NDUFV1: variants seen among roughly 807,000 people sequenced by gnomAD.
The protein encoded by NDUFV1 is NADH dehydrogenase [ubiquinone] flavoprotein 1, mitochondrial.
Under a neutral mutation model 48.7 loss-of-function variants are expected in NDUFV1, and 41 were observed. The ratio of observed to expected loss-of-function variants is 0.84; its 90% confidence interval spans 0.66 to 1.09. The LOEUF (loss-of-function observed/expected upper bound fraction) is 1.09. NDUFV1 is among the 50% of genes least tolerant of loss of function. The pLI, the probability that NDUFV1 is intolerant of heterozygous loss-of-function variation, is 0.00. For synonymous variants in NDUFV1, 231 were observed against 259.1 expected (o/e 0.89, Z 1.04); for missense variants, 580 against 645.4 (o/e 0.90, Z 1.10).
At position 67,607,025 on chromosome 11, in the gene NDUFV1, G is replaced by A. The variant is rs775147419; in HGVS notation, c.21G>A (p.Leu7=). Residue 7 remains leucine, a synonymous_variant, in exon 1 of 10, where the codon CTG becomes CTA. Coordinates refer to ENST00000322776, the MANE Select transcript of NDUFV1 (RefSeq NM_007103.4). ...CCGCGATGCTGGCAACACGGCGGCT[G>A]CTCGGCTGGTCGCTTCCCGCGCGGG... MLATRR[L]LGWSLPARVS... is the part of the protein sequence containing the mutation. 3 of 1,609,722 alleles carry A rather than the reference G, an allele frequency of 1.9e-6. No homozygotes were observed. In the Admixed American group the frequency reaches 5.0e-5, roughly 27 times the overall value.
rs1854877204 is a variant in NDUFV1 at position 67,609,655 on chromosome 11, G to C, written c.510+20G>C. The C allele has an allele frequency of 1.2e-6, 2 of 1,600,200 alleles. No individual in the cohort carries two copies. Among genetic ancestry groups the C allele is most frequent in the South Asian group, 2.2e-5 (2 of 91,054 alleles). On this transcript the variant is annotated intron_variant, in intron 4 of 9. Transcript: ENST00000322776. ...CTGCAGGTGGGTAGGGAGAGATGTA[G>C]ACAGATGAGAAGGTGTTCAGTGTGC...
Position 67,609,577 on chromosome 11 carries a change from C to A in NDUFV1, c.452C>A (p.Ala151Asp). Reference sequence around the variant, plus strand: ...CTGGTGGGGGGCCGGGCCATGGGCGCCCGCGCTGCCTATATCTACATCCGA... The same window carrying A: ...CTGGTGGGGGGCCGGGCCATGGGCGACCGCGCTGCCTATATCTACATCCGA... ...GCLVGGRAMG[A>D]RAAYIYIRGE... Residue 151 changes from alanine to aspartate, a missense_variant, in exon 4 of 10, where the codon GCC becomes GAC. Ala to Asp is a moderately radical substitution (Grantham distance 126). Coordinates refer to ENST00000322776, the MANE Select transcript of NDUFV1 (RefSeq NM_007103.4). The A allele has an allele frequency of 1.2e-6, 2 of 1,611,774 alleles. No homozygotes were observed. Among genetic ancestry groups the A allele is most frequent in the Non-Finnish European group, 1.7e-6 (2 of 1,179,890 alleles).
In NDUFV1 at chr11:67,611,286, G is replaced by A; in HGVS notation, c.913+79G>A. The A allele has an allele frequency of 6.3e-7, 1 of 1,594,780 alleles. No individual in the cohort carries two copies. The highest frequency in any genetic ancestry group is 8.6e-7 in the Non-Finnish European group (1 of 1,166,450). On this transcript the variant is annotated intron_variant, in intron 6 of 9. Transcript: ENST00000322776. The surrounding 1 kb of genome is among the most constrained non-coding windows in gnomAD (Gnocchi z 4.2). ...CCACAAAGAGAGCCTGGGCGGGAGG[G>A]CTCAGGAGACGGGGCTGGGTCTAGG...
chr11:67,608,245 C>A, intron 1 of NDUFV1, 151 bp from the exon 2 acceptor site: 3 of 735,706 alleles, frequency 4.1e-6, no homozygotes, highest in Non-Finnish European at 2.4e-6. Flanking sequence ...AAAATGCTTA[C>A]TAAGTGGCAG....
In NDUFV1 at chr11:67,610,351, G is replaced by T. The variant is rs200142427; in HGVS notation, c.511-30G>T. 1.7e-4 allele frequency: 277 copies of T among 1,612,492 alleles called. 1 individual carries two copies. The African/African-American group carries it at 2.3e-3, about 13-fold the overall frequency. Reference sequence around the variant, plus strand: ...TAGGCTGACTCCTGGGCTGGGGGTGGGCTGGGAAACTCACACCTTTGTCCT... The same window carrying T: ...TAGGCTGACTCCTGGGCTGGGGGTGTGCTGGGAAACTCACACCTTTGTCCT... On this transcript the variant is annotated intron_variant, in intron 4 of 9. Coordinates refer to ENST00000322776, the MANE Select transcript of NDUFV1 (RefSeq NM_007103.4).
intron 4 of NDUFV1, 40 bp downstream of exon 4, chr11:67,609,675 G>T (rs377566067): frequency 6.3e-7 from 1 of 1,591,998 alleles, no homozygotes; most frequent in African/African-American, 1.3e-5. Flanking sequence ...AAGGTGTTCA[G>T]TGTGCACTCA....
In NDUFV1 at chr11:67,612,244, C is replaced by T. The variant is rs565472178; in HGVS notation, c.1287C>T (p.Asp429=). The T allele has an allele frequency of 1.9e-5, 31 of 1,613,848 alleles. No homozygotes were observed. The highest frequency in any genetic ancestry group is 1.3e-4 in the East Asian group (6 of 44,796). ...IEGHTICALG[D]GAAWPVQGLI... ...GCCATACGATTTGTGCTCTGGGTGACGGGGCCGCCTGGCCTGTGCAGGTAT... is the reference window on the plus strand; with the variant it reads ...GCCATACGATTTGTGCTCTGGGTGATGGGGCCGCCTGGCCTGTGCAGGTAT... Residue 429 remains aspartate, a synonymous_variant, in exon 9 of 10, where the codon GAC becomes GAT. Coordinates refer to ENST00000322776, the MANE Select transcript of NDUFV1 (RefSeq NM_007103.4). This position sits in a 1 kb window ranked among gnomAD's most constrained non-coding sequence, Gnocchi z 4.4.
chr11:67,612,262 G>A lies in NDUFV1; in HGVS notation c.1305G>A (p.Val435=). The change falls in exon 9 of 10, where the codon GTG becomes GTA. Residue 435 remains valine, a synonymous_variant. Transcript: ENST00000322776. This position sits in a 1 kb window ranked among gnomAD's most constrained non-coding sequence, Gnocchi z 4.4. ...TGGGTGACGGGGCCGCCTGGCCTGT[G>A]CAGGTATTCACCACCCTTCTGCGTA... ...CALGDGAAWP[V]QGLIRHFRPE... 1 of 1,613,986 alleles carries A rather than the reference G, an allele frequency of 6.2e-7. No individual in the cohort carries two copies. Among genetic ancestry groups the A allele is most frequent in the Non-Finnish European group, 8.5e-7 (1 of 1,179,960 alleles).
At position 67,611,568 on chromosome 11, in the gene NDUFV1, C is replaced by T. The variant is rs372208500; in HGVS notation, c.1079C>T (p.Ser360Leu). 1.5e-4 allele frequency: 235 copies of T among 1,601,820 alleles called. No homozygotes were observed. Among genetic ancestry groups the T allele is most frequent in the Non-Finnish European group, 1.9e-4 (222 of 1,174,264 alleles). ...GCTGCGGTGATCGTCATGGACCGCTCGGTAAGGGTTCACACACCAGCCCTG... is the reference window on the plus strand; with the variant it reads ...GCTGCGGTGATCGTCATGGACCGCTTGGTAAGGGTTCACACACCAGCCCTG... ...GTAAVIVMDRSTDIVKAIARL... is the reference protein window; with the variant it reads ...GTAAVIVMDRLTDIVKAIARL... Residue 360 changes from serine (S) to leucine (L), a missense_variant and splice_region_variant, in exon 7 of 10, where the codon TCG becomes TTG. Physicochemically the swap from Ser to Leu is moderately radical, Grantham distance 145. Transcript: ENST00000322776. This position sits in a 1 kb window ranked among gnomAD's most constrained non-coding sequence, Gnocchi z 4.2.
chr11:67,611,612 G>A lies in NDUFV1; in HGVS notation c.1080+43G>A, dbSNP rs376302414. The A allele has an allele frequency of 3.3e-5, 53 of 1,582,188 alleles. No homozygotes were observed. The South Asian group carries it at 5.3e-4, about 16-fold the overall frequency. On this transcript the variant is annotated intron_variant, in intron 7 of 9. Coordinates refer to ENST00000322776, the MANE Select transcript of NDUFV1 (RefSeq NM_007103.4). This position sits in a 1 kb window ranked among gnomAD's most constrained non-coding sequence, Gnocchi z 4.2. ...AGCCCTGGTCCCTGCCCTCCTGGTT[G>A]CTGTCTCCCTCCCTGGGCCTCCCAG...
intron 5 of NDUFV1, 103 bp downstream of exon 5, chr11:67,610,673 G>T (rs565005095): frequency 3.4e-6 from 5 of 1,470,130 alleles, no homozygotes; most frequent in Non-Finnish European, 4.6e-6. Context: ...TGGCTTCCCG[G>T]CTGGGGCCAG....
At chr11:67,610,762 C>T in intron 5 of NDUFV1, 192 bp downstream of exon 5, 1 of 820,592 alleles carries the variant, frequency 1.2e-6, no homozygotes, top group South Asian at 1.6e-5. Context: ...GTCCCCTCCG[C>T]ACCAGTGCTG....
At position 67,611,339 on chromosome 11, in the gene NDUFV1, T is replaced by G; in HGVS notation, c.914-64T>G. The G allele has an allele frequency of 6.2e-7, 1 of 1,600,188 alleles. No homozygotes were observed. The highest frequency in any genetic ancestry group is 8.5e-7 in the Non-Finnish European group (1 of 1,171,508). ...CTGACTAAGGGCCTGGGCTCAGGAC[T>G]AGGCAGGTGTGCCGGCCCCAGCCCT... On this transcript the variant is annotated intron_variant, in intron 6 of 9. Transcript: ENST00000322776. This position sits in a 1 kb window ranked among gnomAD's most constrained non-coding sequence, Gnocchi z 4.2.
Position 67,611,444 on chromosome 11 carries a change from C to T in NDUFV1, c.955C>T (p.Pro319Ser), listed in dbSNP as rs751799055. ...CTGGGACAACCTCCTTGCTGTGATC[C>T]CTGGCGGCTCGTCTACCCCACTGAT... ...GGWDNLLAVI[P>S]GGSSTPLIPK... Residue 319 changes from proline to serine, a missense_variant, in exon 7 of 10, where the codon CCT becomes TCT. By Grantham distance (74) the Pro-to-Ser change is moderately conservative. Coordinates refer to ENST00000322776, the MANE Select transcript of NDUFV1 (RefSeq NM_007103.4). This position sits in a 1 kb window ranked among gnomAD's most constrained non-coding sequence, Gnocchi z 4.2. 1 of 1,614,126 alleles carries T rather than the reference C, an allele frequency of 6.2e-7. No individual in the cohort carries two copies. Among genetic ancestry groups the T allele is most frequent in the Non-Finnish European group, 8.5e-7 (1 of 1,180,022 alleles).
In NDUFV1 at chr11:67,611,325, C is replaced by T. The variant is rs928122314; in HGVS notation, c.914-78C>T. 4.4e-6 allele frequency: 7 copies of T among 1,597,164 alleles called. No homozygotes were observed. The highest frequency in any genetic ancestry group is 1.3e-5 in the African/African-American group (1 of 74,630). The stretch of plus-strand genomic sequence containing the variant: ...GCTGGGTCTAGGGGCTGACTAAGGG[C>T]CTGGGCTCAGGACTAGGCAGGTGTG... On this transcript the variant is annotated intron_variant, in intron 6 of 9. Transcript: ENST00000322776. The surrounding 1 kb of genome is among the most constrained non-coding windows in gnomAD (Gnocchi z 4.2).
rs12295232 is a variant in NDUFV1, at chr11:67,612,104, G to A, written c.1163-16G>A. 13,862 of 1,613,428 alleles carry A rather than the reference G, an allele frequency of 8.6e-3. 1,031 individuals are homozygous for A. In the African/African-American group the frequency reaches 0.16, roughly 19 times the overall value. On this transcript the variant is annotated splice_polypyrimidine_tract_variant and intron_variant, in intron 8 of 9. Transcript: ENST00000322776. This position sits in a 1 kb window ranked among gnomAD's most constrained non-coding sequence, Gnocchi z 4.4. ...TGGGGAGATCATCAGGCCCTCTCTT[G>A]TGGCTGTGGCTGCAGGTGTGGACTG...
chr11:67,610,454 T>A lies in NDUFV1; in HGVS notation c.584T>A (p.Val195Glu). The A allele has an allele frequency of 1.2e-6, 2 of 1,614,084 alleles. No individual in the cohort carries two copies. The highest frequency in any genetic ancestry group is 1.7e-6 in the Non-Finnish European group (2 of 1,180,010). Residue 195 changes from valine to glutamate, a missense_variant, in exon 5 of 10, where the codon GTG (valine) becomes GAG (glutamate). Transcript: ENST00000322776. ...TGTGGCTCTGGCTATGATTTTGACG[T>A]GTTTGTGGTGCGCGGGGCTGGGGCC... is the stretch of plus-strand genomic sequence containing the variant. ...NACGSGYDFD[V>E]FVVRGAGAYI...
Position 67,612,120 on chromosome 11 carries a change from G to A in NDUFV1, c.1163G>A (p.Gly388Asp). Reference protein sequence around the residue: ...SCGQCTPCREGVDWMNKVMAR... With the variant: ...SCGQCTPCREDVDWMNKVMAR... ...CCCTCTCTTGTGGCTGTGGCTGCAG[G>A]TGTGGACTGGATGAACAAGGTGATG... Residue 388 changes from glycine (G) to aspartate (D), a missense_variant and splice_region_variant, in exon 9 of 10, where the codon GGT (glycine) becomes GAT (aspartate). Transcript: ENST00000322776. This position sits in a 1 kb window ranked among gnomAD's most constrained non-coding sequence, Gnocchi z 4.4. The A allele has an allele frequency of 2.5e-6, 4 of 1,613,762 alleles. No homozygotes were observed. In the Admixed American group the frequency reaches 5.0e-5, roughly 20 times the overall value.
Position 67,611,567 on chromosome 11 carries a change from T to G in NDUFV1, c.1078T>G (p.Ser360Ala). The change falls in exon 7 of 10, where the codon TCG becomes GCG. Residue 360 changes from serine (S) to alanine (A), a missense_variant and splice_region_variant. Transcript: ENST00000322776. This position sits in a 1 kb window ranked among gnomAD's most constrained non-coding sequence, Gnocchi z 4.2. Reference sequence around the variant, plus strand: ...AGCTGCGGTGATCGTCATGGACCGCTCGGTAAGGGTTCACACACCAGCCCT... The same window carrying G: ...AGCTGCGGTGATCGTCATGGACCGCGCGGTAAGGGTTCACACACCAGCCCT... The part of the protein sequence containing the change: ...GTAAVIVMDR[S>A]TDIVKAIARL... 5 of 1,602,082 alleles carry G rather than the reference T, an allele frequency of 3.1e-6. No individual in the cohort carries two copies. Among genetic ancestry groups the G allele is most frequent in the Non-Finnish European group, 4.3e-6 (5 of 1,174,372 alleles).
Sources: allele counts gnomAD v4.1 joint callset, GRCh38; gene constraint gnomAD v4.1.1; non-coding constraint Gnocchi (gnomAD v3.1); transcripts MANE v1.5; gene names NCBI Gene and HGNC (gene_info 2026-07-23, HGNC 2026-07-21).